The following PCSK6 variants were observed in gnomAD, a reference collection of about 807,000 sequenced individuals.
The protein encoded by PCSK6 is proprotein convertase subtilisin/kexin type 6.
PCSK6 carries 85 observed loss-of-function variants against 123.3 expected under a neutral mutation model. The observed-to-expected ratio is 0.69, with a 90% confidence interval of 0.58 to 0.83. PCSK6 has a LOEUF of 0.83. Ranked by LOEUF, PCSK6 falls within the 40% of genes least tolerant of loss-of-function variation. PCSK6 has a pLI of 0.00. For missense variants in PCSK6, 1,191 were observed against 1,282.3 expected (o/e 0.93, Z 1.09); for synonymous variants, 508 against 516.0 (o/e 0.98, Z 0.21).
intron 19 of PCSK6, among the ~76,000 whole-genome samples, chr15:101,317,555 G>A (rs2040019231): frequency 1.3e-5 from 2 of 152,104 alleles, no homozygotes; most frequent in Non-Finnish European, 2.9e-5. Context: ...TAGGCACAAA[G>A]AACTAAGGCT....
At chr15:101,456,095 A>G (rs1015147351) in intron 1 of PCSK6, among the ~76,000 whole-genome samples, 8 of 152,240 alleles carry the variant, frequency 5.3e-5, no homozygotes, top group African/African-American at 1.9e-4. Context: ...ATATTTGCCA[A>G]TAAATGATTT....
chr15:101,392,113 A>G (rs1458260316), intron 8 of PCSK6, among the ~76,000 whole-genome samples: 2 of 152,230 alleles, frequency 1.3e-5, no homozygotes, highest in Non-Finnish European at 2.9e-5. Flanking sequence ...ACCTGCATCC[A>G]TTCGGCCAGC....
intron 6 of PCSK6, among the ~76,000 whole-genome samples, chr15:101,420,734 C>T (rs1343071718): frequency 6.6e-6 from 1 of 152,176 alleles, no homozygotes; most frequent in Non-Finnish European, 1.5e-5. Context: ...CAATGTACAG[C>T]TTGACAACTT....
intron 1 of PCSK6, among the ~76,000 whole-genome samples, chr15:101,462,907 C>T (rs894115968): frequency 6.6e-5 from 10 of 152,104 alleles, no homozygotes; most frequent in African/African-American, 1.9e-4. Flanking sequence ...GCTATGGGGG[C>T]CCAAGTCTGT....
At chr15:101,458,246 G>A (rs1005019914) in intron 1 of PCSK6, among the ~76,000 whole-genome samples, 2 of 152,234 alleles carry the variant, frequency 1.3e-5, no homozygotes, top group East Asian at 1.9e-4. Flanking sequence ...GGCACAGGTC[G>A]TGGTGATAGG....
chr15:101,474,408 G>A (rs1176019278), intron 1 of PCSK6, among the ~76,000 whole-genome samples: 5 of 152,158 alleles, frequency 3.3e-5, no homozygotes, highest in Admixed American at 2.6e-4. Flanking sequence ...TAAAACTGGC[G>A]CCACGGCGGT....
At chr15:101,350,427 G>T (rs574903285) in intron 13 of PCSK6, among the ~76,000 whole-genome samples, 116 of 152,212 alleles carry the variant, frequency 7.6e-4, no homozygotes, top group African/African-American at 2.7e-3. Flanking sequence ...TAGACATAAA[G>T]GTGTCTGCCT....
At chr15:101,320,026 G>A (rs1219471710) in intron 18 of PCSK6, among the ~76,000 whole-genome samples, 5 of 152,062 alleles carry the variant, frequency 3.3e-5, no homozygotes, top group Non-Finnish European at 7.4e-5. Flanking sequence ...CTTGGGCTGA[G>A]CCCTCAATTT....
At chr15:101,476,150 T>C (rs1349586216) in intron 1 of PCSK6, among the ~76,000 whole-genome samples, 7 of 152,202 alleles carry the variant, frequency 4.6e-5, no homozygotes, top group Non-Finnish European at 7.3e-5. Context: ...AGGGTAATAA[T>C]AACACCTACC....
chr15:101,483,862 C>T (rs776560577), intron 1 of PCSK6, among the ~76,000 whole-genome samples: 1 of 152,214 alleles, frequency 6.6e-6, no homozygotes, highest in African/African-American at 2.4e-5. Flanking sequence ...CCAGTCTGGA[C>T]ATCTAAAGTA....
At chr15:101,483,291 C>T (rs752918807) in intron 1 of PCSK6, among the ~76,000 whole-genome samples, 1 of 152,324 alleles carries the variant, frequency 6.6e-6, no homozygotes. Flanking sequence ...TTTTTCATTG[C>T]AAGAACAAGT....
chr15:101,313,012 A>AT (rs948200306), intron 20 of PCSK6: 55 of 1,162,210 alleles, frequency 4.7e-5, no homozygotes, highest in East Asian at 1.8e-4. Context: ...CTCCAAAAAA[A>AT]TTTTTTTTTA....
At chr15:101,344,055 G>T (rs181020373) in intron 13 of PCSK6, among the ~76,000 whole-genome samples, 2 of 151,134 alleles carry the variant, frequency 1.3e-5, no homozygotes, top group Non-Finnish European at 2.9e-5. Context: ...CAGCCTGTGC[G>T]ACAGAACAAG....
At chr15:101,420,401 A>T (rs2056046788) in intron 6 of PCSK6, among the ~76,000 whole-genome samples, 1 of 152,076 alleles carries the variant, frequency 6.6e-6, no homozygotes, top group African/African-American at 2.4e-5. Context: ...TCACTCTGTC[A>T]CCCAGCTGGA....
At chr15:101,489,311 C>A in intron 1 of PCSK6, 63 bp downstream of exon 1, 3 of 1,017,128 alleles carry the variant, frequency 2.9e-6, no homozygotes, top group South Asian at 3.6e-5. Flanking sequence ...GCGGAGGCGC[C>A]CCCCTCGCGC....
At chr15:101,451,900 A>C (rs1055828554) in intron 1 of PCSK6, among the ~76,000 whole-genome samples, 1 of 152,258 alleles carries the variant, frequency 6.6e-6, no homozygotes, top group Non-Finnish European at 1.5e-5. Flanking sequence ...CACTGGACCT[A>C]TATTTAGCCA....
chr15:101,430,136 C>T lies in PCSK6; in HGVS notation c.658-73G>A, dbSNP rs74032876. On this transcript the variant is annotated intron_variant, in intron 4 of 21. Coordinates refer to ENST00000611716, the MANE Select transcript of PCSK6 (RefSeq NM_002570.5). ...TCTGTTTGAAATGGATTTTATGTTC[C>T]GTTGGCAAATAGAGAAACCACACGC... The T allele has an allele frequency of 3.6e-4, 437 of 1,210,186 alleles. 1 individual carries two copies. In the African/African-American group the frequency reaches 3.9e-3, roughly 11 times the overall value. 75.0% of individuals were successfully genotyped at this position (1,210,186 alleles called of 1,614,324 possible). A position where few individuals can be genotyped will look rare whatever the true frequency, so the allele number is the denominator to read the frequency against.
intron 1 of PCSK6, among the ~76,000 whole-genome samples, chr15:101,464,019 G>A (rs1394501469): frequency 6.6e-6 from 1 of 152,130 alleles, no homozygotes; most frequent in Admixed American, 6.5e-5. Flanking sequence ...ACAGTTTTAG[G>A]AAGGTGAGGA....
intron 1 of PCSK6, among the ~76,000 whole-genome samples, chr15:101,478,623 A>G (rs1455693351): frequency 2.6e-5 from 4 of 152,132 alleles, no homozygotes; most frequent in Non-Finnish European, 5.9e-5. Context: ...AGAGAACACC[A>G]GGCTAGGATG....
Sources: allele counts gnomAD v4.1 joint callset (sites outside exome capture counted in the v4.1 genomes callset), GRCh38; gene constraint gnomAD v4.1.1; transcripts MANE v1.5; gene names NCBI Gene and HGNC (gene_info 2026-07-23, HGNC 2026-07-21).